Variants in EXOC6B observed in about 807,000 individuals in gnomAD.
EXOC6B encodes exocyst complex component 6B.
EXOC6B carries 54 observed loss-of-function variants against 113.5 expected under a neutral mutation model. That is an observed-to-expected ratio of 0.48 (90% CI 0.38 to 0.60). The LOEUF is 0.60. Ranked by LOEUF, EXOC6B falls within the 20% of genes least tolerant of loss-of-function variation. The pLI, the probability that EXOC6B is intolerant of heterozygous loss-of-function variation, is 0.00. For missense variants in EXOC6B, 797 were observed against 977.5 expected (o/e 0.82, Z 2.46); for synonymous variants, 357 against 339.0 (o/e 1.05, Z -0.58).
intron 6 of EXOC6B, among the ~76,000 whole-genome samples, chr2:72,696,513 C>T (rs1347268163): frequency 6.6e-6 from 1 of 152,188 alleles, no homozygotes; most frequent in Non-Finnish European, 1.5e-5. Context: ...TCTCCATGTT[C>T]TTGACTCTAA....
chr2:72,721,234 CAGG>C (rs1325309614), intron 5 of EXOC6B, among the ~76,000 whole-genome samples: 20 of 151,428 alleles, frequency 1.3e-4, no homozygotes, highest in African/African-American at 4.9e-4. Flanking sequence ...GAGGCTGAAG[CAGG>C]AGAATTGCTT....
chr2:72,266,935 G>A (rs1684140563), intron 20 of EXOC6B, among the ~76,000 whole-genome samples: 1 of 152,112 alleles, frequency 6.6e-6, no homozygotes, highest in South Asian at 2.1e-4. Context: ...ATTTCATTGA[G>A]CAGTGGTTTG....
Position 72,334,939 on chromosome 2 carries a change from A to C in EXOC6B, c.2196+8T>G. ...AGAAAAACAAAAAACAAAAACACAA[A>C]GACTTACTTGTCTCAAGTCGATGAA... On this transcript the variant is annotated splice_region_variant and intron_variant, in intron 20 of 21. Transcript: ENST00000272427. 1 of 1,612,982 alleles carries C rather than the reference A, an allele frequency of 6.2e-7. No individual in the cohort carries two copies. The highest frequency in any genetic ancestry group is 2.2e-5 in the East Asian group (1 of 44,864).
intron 20 of EXOC6B, among the ~76,000 whole-genome samples, chr2:72,271,181 AG>A (rs869090249): frequency 6.6e-6 from 1 of 152,116 alleles, no homozygotes; most frequent in East Asian, 1.9e-4. Flanking sequence ...ACCAAGAGTA[AG>A]GGGTTTTAAA....
At chr2:72,395,351 C>T (rs642652) in intron 18 of EXOC6B, among the ~76,000 whole-genome samples, 54,952 of 152,002 alleles carry the variant, frequency 0.36, 16,200 homozygotes, top group African/African-American at 0.82. Context: ...ATTACTCAGT[C>T]CCTAACTGGT....
chr2:72,626,876 C>T (rs1672085170), intron 6 of EXOC6B, among the ~76,000 whole-genome samples: 3 of 152,040 alleles, frequency 2.0e-5, no homozygotes, highest in Admixed American at 2.0e-4. Flanking sequence ...CAGTCTTATG[C>T]TGTGGGCTAA....
intron 19 of EXOC6B, among the ~76,000 whole-genome samples, chr2:72,376,526 C>A (rs1691365876): frequency 6.6e-6 from 1 of 152,128 alleles, no homozygotes; most frequent in South Asian, 2.1e-4. Context: ...AATCTGATAA[C>A]AATGTGCCTC....
At chr2:72,552,060 G>C (rs1209662910) in intron 8 of EXOC6B, among the ~76,000 whole-genome samples, 1 of 152,076 alleles carries the variant, frequency 6.6e-6, no homozygotes, top group Non-Finnish European at 1.5e-5. Context: ...AGATTCTTTA[G>C]TTACCACTTA....
chr2:72,554,091 A>AGAC (rs916491192), intron 8 of EXOC6B, among the ~76,000 whole-genome samples: 1 of 152,238 alleles, frequency 6.6e-6, no homozygotes. Flanking sequence ...CTGCAGTGAC[A>AGAC]GACCATTCAC....
chr2:72,302,825 T>G (rs898998755), intron 20 of EXOC6B, among the ~76,000 whole-genome samples: 2 of 152,166 alleles, frequency 1.3e-5, no homozygotes, highest in East Asian at 3.9e-4. Flanking sequence ...TTAGCCCATT[T>G]ACATTTTTTA....
At chr2:72,455,916 T>C (rs1697203022) in intron 18 of EXOC6B, among the ~76,000 whole-genome samples, 1 of 152,030 alleles carries the variant, frequency 6.6e-6, no homozygotes, top group East Asian at 1.9e-4. Context: ...TAGCTATTGT[T>C]AAATGTTAAG....
At chr2:72,812,228 A>G (rs1685962349) in intron 1 of EXOC6B, among the ~76,000 whole-genome samples, 1 of 152,224 alleles carries the variant, frequency 6.6e-6, no homozygotes, top group South Asian at 2.1e-4. Context: ...GCATTTCTAT[A>G]TAATAGAAAA....
intron 20 of EXOC6B, among the ~76,000 whole-genome samples, chr2:72,230,736 C>A (rs1402096201): frequency 6.6e-6 from 1 of 152,134 alleles, no homozygotes; most frequent in African/African-American, 2.4e-5. Flanking sequence ...GATATAGACT[C>A]TCAGTGCTAC....
chr2:72,637,040 T>C (rs1672888450), intron 6 of EXOC6B, among the ~76,000 whole-genome samples: 1 of 151,760 alleles, frequency 6.6e-6, no homozygotes, highest in Admixed American at 6.6e-5. Flanking sequence ...ATGTGGACAC[T>C]GAAATTAAAA....
At chr2:72,627,903 T>C (rs962392393) in intron 6 of EXOC6B, among the ~76,000 whole-genome samples, 1 of 151,968 alleles carries the variant, frequency 6.6e-6, no homozygotes, top group African/African-American at 2.4e-5. Flanking sequence ...CCCATTTTTG[T>C]TGTGTTATTT....
intron 1 of EXOC6B, among the ~76,000 whole-genome samples, chr2:72,767,117 T>A (rs535309752): frequency 9.9e-5 from 15 of 152,188 alleles, no homozygotes; most frequent in Admixed American, 9.8e-4. Flanking sequence ...CTGGCACTAT[T>A]TTTATGCTCT....
intron 19 of EXOC6B, among the ~76,000 whole-genome samples, chr2:72,365,257 C>G (rs553530613): frequency 6.6e-6 from 1 of 151,848 alleles, no homozygotes; most frequent in African/African-American, 2.4e-5. Flanking sequence ...AAAAAAACCC[C>G]TAAAAATCTT....
At chr2:72,654,791 T>C (rs1307975836) in intron 6 of EXOC6B, among the ~76,000 whole-genome samples, 1 of 152,210 alleles carries the variant, frequency 6.6e-6, no homozygotes, top group Non-Finnish European at 1.5e-5. Context: ...CTCAGGAAGT[T>C]AGTAGGCTTT....
chr2:72,485,230 T>C (rs1208773327), intron 16 of EXOC6B, among the ~76,000 whole-genome samples: 7 of 152,216 alleles, frequency 4.6e-5, no homozygotes, highest in African/African-American at 1.4e-4. Context: ...AGTTCAAAAC[T>C]AGCCTTAAAT....
Sources: allele counts gnomAD v4.1 joint callset (sites outside exome capture counted in the v4.1 genomes callset), GRCh38; gene constraint gnomAD v4.1.1; transcripts MANE v1.5; gene names NCBI Gene and HGNC (gene_info 2026-07-23, HGNC 2026-07-21).